Variants in TSNAX observed in about 807,000 individuals in gnomAD.
TSNAX encodes the protein translin-associated protein X.
In TSNAX, 12 loss-of-function variants were observed where a neutral mutation model predicts 33.0. That is an observed-to-expected ratio of 0.36 (90% confidence interval 0.23 to 0.59). The LOEUF (loss-of-function observed/expected upper bound fraction) is 0.59. Among genes scored for constraint, TSNAX ranks in the 20% least tolerant of loss-of-function variants. The pLI, the probability that TSNAX is intolerant of heterozygous loss-of-function variation, is 0.74. For missense variants in TSNAX, 267 were observed against 341.3 expected (o/e 0.78, Z 1.72); for synonymous variants, 110 against 117.2 (o/e 0.94, Z 0.40).
chr1:231,531,880 G>A (rs1658740777), intron 2 of TSNAX, among the ~76,000 whole-genome samples: 1 of 152,056 alleles, frequency 6.6e-6, no homozygotes, highest in Non-Finnish European at 1.5e-5. Context: ...AATTTGCTAA[G>A]TAAGTAGATC....
intron 2 of TSNAX, among the ~76,000 whole-genome samples, chr1:231,530,899 A>G (rs1421550510): frequency 6.6e-6 from 1 of 151,754 alleles, no homozygotes; most frequent in Admixed American, 6.6e-5. Context: ...AAAAAAAGAA[A>G]AGGTGGAGTT....
intron 4 of TSNAX, among the ~76,000 whole-genome samples, chr1:231,556,710 T>C (rs1227293172): frequency 1.3e-5 from 2 of 152,116 alleles, no homozygotes. Flanking sequence ...CCTATTGCCA[T>C]GTATAAGACA....
Position 231,564,697 on chromosome 1 carries a change from G to T in TSNAX, c.665G>T (p.Arg222Leu). Reference sequence around the variant, plus strand: ...CCCTTTGAAGTGAGCCAGTTTTTACGTCAGGTTTATGATGGGTTTTCATTC... The same window carrying T: ...CCCTTTGAAGTGAGCCAGTTTTTACTTCAGGTTTATGATGGGTTTTCATTC... ...DTPFEVSQFL[R>L]QVYDGFSFIG... Residue 222 changes from arginine (R) to leucine (L), a missense_variant, in exon 6 of 6, where the codon CGT becomes CTT. Physicochemically the swap from Arg to Leu is moderately radical, Grantham distance 102. Around this residue, in one of 2 missense-constraint regions of TSNAX, gnomAD observed 67 missense variants for 127.2 expected, o/e 0.53. Transcript: ENST00000366639. 6.2e-7 allele frequency: 1 copy of T among 1,614,086 alleles called. No individual in the cohort carries two copies. Among genetic ancestry groups the T allele is most frequent in the Non-Finnish European group, 8.5e-7 (1 of 1,180,016 alleles).
rs578204022 is a variant in TSNAX at position 231,544,017 on chromosome 1, GAA to G, written c.367+1407_367+1408del. 2.6e-5 allele frequency among the ~76,000 whole-genome samples: 4 copies of G among 152,234 alleles called. No homozygotes were observed. In the East Asian group the frequency reaches 7.7e-4, roughly 29 times the overall value. The stretch of plus-strand genomic sequence containing the variant: ...AAATCAAGCTTGGCAGAAAACATGA[GAA>G]TATCTTTATAATAGTAGCTGTGACC... On this transcript the variant is annotated intron_variant, in intron 4 of 5. Transcript: ENST00000366639.
chr1:231,546,967 GGC>G (rs1268237132), intron 4 of TSNAX, among the ~76,000 whole-genome samples: 1 of 152,148 alleles, frequency 6.6e-6, no homozygotes, highest in Non-Finnish European at 1.5e-5. Flanking sequence ...CTAGTCACAT[GGC>G]CACACCAGCC....
intron 4 of TSNAX, among the ~76,000 whole-genome samples, chr1:231,560,150 T>G (rs560140987): frequency 5.0e-4 from 75 of 151,492 alleles, no homozygotes; most frequent in African/African-American, 1.6e-3. Flanking sequence ...CGGCTAAGTT[T>G]TTTTATTTTT....
intron 4 of TSNAX, among the ~76,000 whole-genome samples, chr1:231,550,324 A>G (rs1261318506): frequency 6.6e-6 from 1 of 152,024 alleles, no homozygotes; most frequent in Non-Finnish European, 1.5e-5. Flanking sequence ...TTTTAAGTCC[A>G]GGGGTGGGTG....
At chr1:231,543,172 C>G (rs559394778) in intron 4 of TSNAX, among the ~76,000 whole-genome samples, 2 of 149,754 alleles carry the variant, frequency 1.3e-5, no homozygotes, top group East Asian at 3.9e-4. Flanking sequence ...CACAAGACTC[C>G]GTCTCAAAAA....
At chr1:231,537,427 T>A in intron 3 of TSNAX, 100 bp downstream of exon 3, 1 of 718,234 alleles carries the variant, frequency 1.4e-6, no homozygotes, top group Non-Finnish European at 2.2e-6. Context: ...AGGTACAACT[T>A]AAGAGTTAAT....
chr1:231,537,374 A>T, intron 3 of TSNAX, 47 bp downstream of exon 3: 1 of 1,240,098 alleles, frequency 8.1e-7, no homozygotes, highest in Non-Finnish European at 1.2e-6. Context: ...ACTAGCTATT[A>T]GAATATTCTG....
chr1:231,555,011 T>G (rs1189143900), intron 4 of TSNAX, among the ~76,000 whole-genome samples: 1 of 152,234 alleles, frequency 6.6e-6, no homozygotes, highest in Non-Finnish European at 1.5e-5. Flanking sequence ...CATTCAAGAC[T>G]TAGTAAACTA....
chr1:231,550,041 G>A (rs914951170), intron 4 of TSNAX, among the ~76,000 whole-genome samples: 2 of 152,122 alleles, frequency 1.3e-5, no homozygotes, highest in Non-Finnish European at 2.9e-5. Flanking sequence ...ACACATCTCT[G>A]TTGTCCCTGT....
intron 4 of TSNAX, among the ~76,000 whole-genome samples, chr1:231,547,683 G>T (rs1660020779): frequency 6.6e-6 from 1 of 151,736 alleles, no homozygotes. Flanking sequence ...GAGCCACCGT[G>T]CCCAGCCAAT....
At chr1:231,552,746 C>T (rs985876902) in intron 4 of TSNAX, among the ~76,000 whole-genome samples, 3 of 152,202 alleles carry the variant, frequency 2.0e-5, no homozygotes, top group Non-Finnish European at 4.4e-5. Flanking sequence ...CCCCATTCCC[C>T]GTTCTCCTAA....
intron 5 of TSNAX, 60 bp downstream of exon 5, chr1:231,561,315 C>G: frequency 7.7e-7 from 1 of 1,301,850 alleles, no homozygotes; most frequent in South Asian, 1.4e-5. Flanking sequence ...TATGACGATT[C>G]TAGTAGATTT....
chr1:231,534,765 T>C lies in TSNAX; in HGVS notation c.122-2448T>C, dbSNP rs564891916. 7 of 152,356 alleles carry C rather than the reference T, an allele frequency of 4.6e-5. No individual in the cohort carries two copies. The South Asian group carries it at 1.4e-3, about 32-fold the overall frequency. The allele number at this position is 152,356 out of a possible 1,614,324, so 9.4% of individuals were successfully genotyped here. ...CTCTTATCCAGTATGTTATACTGCT[T>C]ATGATTTCAACAAGCAGTTCAGTCA... On this transcript the variant is annotated intron_variant, in intron 2 of 5. Coordinates refer to ENST00000366639, the MANE Select transcript of TSNAX (RefSeq NM_005999.3).
At chr1:231,561,587 A>G (rs914995522) in intron 5 of TSNAX, among the ~76,000 whole-genome samples, 13 of 152,310 alleles carry the variant, frequency 8.5e-5, no homozygotes, top group South Asian at 8.3e-4. Context: ...ATATGTGGTA[A>G]GCATTATTAC....
Position 231,528,791 on chromosome 1 carries a change from TC to T in TSNAX, c.-19del. 2 of 1,614,168 alleles carry T rather than the reference TC, an allele frequency of 1.2e-6. No homozygotes were observed. The highest frequency in any genetic ancestry group is 8.5e-7 in the Non-Finnish European group (1 of 1,180,006). On this transcript the variant is annotated 5_prime_UTR_variant, in exon 1 of 6. Coordinates refer to ENST00000366639, the MANE Select transcript of TSNAX (RefSeq NM_005999.3). ...CCAGGTCCTTCAGTCTCCGCTCGTC[TC>T]ACCGTAGGCTGTGACGACATGAGCA...
chr1:231,529,438 C>A, intron 2 of TSNAX, 79 bp downstream of exon 2: 1 of 1,400,486 alleles, frequency 7.1e-7, no homozygotes, highest in Non-Finnish European at 1.0e-6. Context: ...GAAAACAGTC[C>A]CTAAGAATTT....
Sources: allele counts gnomAD v4.1 joint callset (sites outside exome capture counted in the v4.1 genomes callset), GRCh38; gene constraint gnomAD v4.1.1; regional missense constraint gnomAD v4.1.1; transcripts MANE v1.5; gene names NCBI Gene and HGNC (gene_info 2026-07-23, HGNC 2026-07-21).